RBM38: variants seen among roughly 807,000 people sequenced by gnomAD.
The protein encoded by RBM38 is RNA binding motif protein 38, also known as RNA-binding protein 38.
In RBM38, 11 loss-of-function variants were observed where a neutral mutation model predicts 23.5. The observed-to-expected ratio is 0.47, with a 90% CI of 0.29 to 0.77. The LOEUF (loss-of-function observed/expected upper bound fraction) is 0.77, where lower values mean the gene tolerates loss of function less well. RBM38 is among the 30% of genes least tolerant of loss of function. The pLI is 0.08. For synonymous variants in RBM38, 165 were observed against 166.1 expected, an observed-to-expected ratio of 0.99 and a Z score of 0.05; for missense variants, 330 against 351.9, an observed-to-expected ratio of 0.94 and a Z score of 0.50.
chr20:57,394,397 CTT>C (rs2067253450), intron 3 of RBM38, among the ~76,000 whole-genome samples: 1 of 152,136 alleles, frequency 6.6e-6, no homozygotes, highest in African/African-American at 2.4e-5. Context: ...GCTGTGCCCA[CTT>C]TTTGGGAACG....
At chr20:57,402,744 G>A (rs966743063) in intron 3 of RBM38, among the ~76,000 whole-genome samples, 1 of 152,276 alleles carries the variant, frequency 6.6e-6, no homozygotes, top group Non-Finnish European at 1.5e-5. Context: ...CTTGGACAGT[G>A]CAGGGCCGGT....
chr20:57,392,018 A>ACCACCCCAGGCCCTGG (rs1568804236), intron 1 of RBM38, among the ~76,000 whole-genome samples, 200 bp downstream of exon 1: 1 of 48,168 alleles, frequency 2.1e-5, no homozygotes, highest in Admixed American at 1.8e-4. Context: ...CCCGGCCCCC[A>ACCACCCCAGGCCCTGG]CCCCCACCCC....
At position 57,401,205 on chromosome 20, in the gene RBM38, G is replaced by C. The variant is rs529073478; in HGVS notation, c.417-6338G>C. 2.0e-5 allele frequency among the ~76,000 whole-genome samples: 3 copies of C among 152,304 alleles called. No homozygotes were observed. In the South Asian group the frequency reaches 6.2e-4, roughly 32 times the overall value. ...CATTCCTCAGGCCCAAGGAGGCGTC[G>C]ATGCTGCTGAAGTCTCTGGGGTGCA... On this transcript the variant is annotated intron_variant, in intron 3 of 3. Transcript: ENST00000356208.
Position 57,407,411 on chromosome 20 carries a change from C to T in RBM38, c.417-132C>T, listed in dbSNP as rs528355697. The T allele has an allele frequency of 1.5e-4, 159 of 1,043,814 alleles. No individual in the cohort carries two copies. In the African/African-American group the frequency reaches 2.2e-3, roughly 15 times the overall value. The allele number at this position is 1,043,814 out of a possible 1,614,324, so 64.7% of individuals were successfully genotyped here. A position where few individuals can be genotyped will look rare whatever the true frequency, so the allele number is the denominator to read the frequency against. ...GGCAGCATCTGGCCAGGTGCTGTTT[C>T]TGTGCCCATCTGACCGATGAGGAAA... On this transcript the variant is annotated intron_variant, in intron 3 of 3. Coordinates refer to ENST00000356208, the MANE Select transcript of RBM38 (RefSeq NM_017495.6). This position sits in a 1 kb window ranked among gnomAD's most constrained non-coding sequence, Gnocchi z 4.0.
intron 3 of RBM38, among the ~76,000 whole-genome samples, chr20:57,403,770 C>T (rs370214612): frequency 2.6e-5 from 4 of 152,164 alleles, no homozygotes; most frequent in Admixed American, 2.0e-4. Context: ...TACAGGCTCC[C>T]GCCACCACAC....
intron 3 of RBM38, among the ~76,000 whole-genome samples, chr20:57,395,486 G>A (rs1341379577): frequency 6.6e-6 from 1 of 152,200 alleles, no homozygotes; most frequent in Non-Finnish European, 1.5e-5. Flanking sequence ...TCTGCTGGCT[G>A]GCCATTTAAT....
Position 57,407,409 on chromosome 20 carries a change from T to A in RBM38, c.417-134T>A. 9.7e-7 allele frequency: 1 copy of A among 1,034,648 alleles called. No homozygotes were observed. Among genetic ancestry groups the A allele is most frequent in the Non-Finnish European group, 1.4e-6 (1 of 702,438 alleles). 64.1% of individuals were successfully genotyped at this position (1,034,648 alleles called of 1,614,324 possible). On this transcript the variant is annotated intron_variant, in intron 3 of 3. Transcript: ENST00000356208. This position sits in a 1 kb window ranked among gnomAD's most constrained non-coding sequence, Gnocchi z 4.0. Reference sequence around the variant, plus strand: ...GCGGCAGCATCTGGCCAGGTGCTGTTTCTGTGCCCATCTGACCGATGAGGA... The same window carrying A: ...GCGGCAGCATCTGGCCAGGTGCTGTATCTGTGCCCATCTGACCGATGAGGA...
In RBM38 at chr20:57,391,655, A is replaced by G; in HGVS notation, c.74A>G (p.His25Arg). 4 of 1,494,130 alleles carry G rather than the reference A, an allele frequency of 2.7e-6. No individual in the cohort carries two copies. The highest frequency in any genetic ancestry group is 3.6e-6 in the Non-Finnish European group (4 of 1,117,618). 92.6% of individuals were successfully genotyped at this position (1,494,130 alleles called of 1,614,324 possible). A position where few individuals can be genotyped will look rare whatever the true frequency, so the allele number is the denominator to read the frequency against. The change falls in exon 1 of 4, where the codon CAC (histidine) becomes CGC (arginine). Residue 25 changes from histidine to arginine, a missense_variant. Transcript: ENST00000356208. ...CCCCTGGCCGCCCCCGGCGCCATGCACGGCTCGCAGAAGGACACCACGTTC... is the reference window on the plus strand; with the variant it reads ...CCCCTGGCCGCCCCCGGCGCCATGCGCGGCTCGCAGAAGGACACCACGTTC... ...PRPLAAPGAMHGSQKDTTFTK... is the reference protein window; with the variant it reads ...PRPLAAPGAMRGSQKDTTFTK...
chr20:57,395,441 C>T (rs1175563735), intron 3 of RBM38, among the ~76,000 whole-genome samples: 4 of 152,126 alleles, frequency 2.6e-5, no homozygotes, highest in Admixed American at 6.5e-5. Context: ...CCACTGTGTG[C>T]CCCCGACTTC....
At chr20:57,393,449 G>A (rs1013811319) in intron 3 of RBM38, 116 bp downstream of exon 3, 6 of 1,168,688 alleles carry the variant, frequency 5.1e-6, no homozygotes, top group African/African-American at 1.5e-5. Flanking sequence ...ATTTGATTGC[G>A]TTTAAGCCAA....
chr20:57,403,435 T>G (rs184275048), intron 3 of RBM38, among the ~76,000 whole-genome samples: 41 of 152,292 alleles, frequency 2.7e-4, no homozygotes, highest in Middle Eastern at 3.4e-3. Flanking sequence ...GGGCTTGAGG[T>G]GTGGCCCGTG....
At chr20:57,404,465 G>C (rs2067361315) in intron 3 of RBM38, among the ~76,000 whole-genome samples, 1 of 152,012 alleles carries the variant, frequency 6.6e-6, no homozygotes, top group South Asian at 2.1e-4. Context: ...CTGAGAGCTG[G>C]GTCGGGGGGG....
chr20:57,399,841 G>C (rs1359506842), intron 3 of RBM38: 4 of 455,548 alleles, frequency 8.8e-6, no homozygotes, highest in Non-Finnish European at 4.4e-6. Flanking sequence ...TAAGAGCTGC[G>C]GTCCGTCTCT....
At chr20:57,404,197 GCCCCACAGC>G (rs951591771) in intron 3 of RBM38, among the ~76,000 whole-genome samples, 1 of 152,230 alleles carries the variant, frequency 6.6e-6, no homozygotes, top group Non-Finnish European at 1.5e-5. Context: ...GAACCCAGCT[GCCCCACAGC>G]CCCAGGCACT....
chr20:57,402,965 C>G (rs551678106), intron 3 of RBM38, among the ~76,000 whole-genome samples: 2 of 152,354 alleles, frequency 1.3e-5, no homozygotes, highest in African/African-American at 4.8e-5. Flanking sequence ...AGTCGGGCGT[C>G]TCAGCCTTGG....
chr20:57,400,873 C>G (rs896028561), intron 3 of RBM38, among the ~76,000 whole-genome samples: 6 of 152,154 alleles, frequency 3.9e-5, no homozygotes, highest in Non-Finnish European at 7.3e-5. Flanking sequence ...CTGCCCTCTC[C>G]TTTGAGGTTA....
rs1173749661 is a variant in RBM38 at position 57,393,266 on chromosome 20, TC to T, written c.362-12del. On this transcript the variant is annotated splice_polypyrimidine_tract_variant and intron_variant, in intron 2 of 3. Transcript: ENST00000356208. ...GCAGCAAGGCCAAGTCCCTGATTGTTCTCTCGTTTTAGGCTTTGCCATTGGG... is the reference window on the plus strand; with the variant it reads ...GCAGCAAGGCCAAGTCCCTGATTGTTTCTCGTTTTAGGCTTTGCCATTGGG... 6.2e-7 allele frequency: 1 copy of T among 1,613,134 alleles called. No individual in the cohort carries two copies. Among genetic ancestry groups the T allele is most frequent in the Admixed American group, 1.7e-5 (1 of 60,006 alleles).
At chr20:57,399,824 A>G in intron 3 of RBM38, 3 of 453,610 alleles carry the variant, frequency 6.6e-6, no homozygotes, top group Non-Finnish European at 1.3e-5. Flanking sequence ...GGCGGGAGTC[A>G]GAACCCTAAG....
intron 3 of RBM38, among the ~76,000 whole-genome samples, chr20:57,404,069 T>G (rs2067356316): frequency 6.6e-6 from 1 of 152,226 alleles, no homozygotes; most frequent in African/African-American, 2.4e-5. Flanking sequence ...CCCACGCTTG[T>G]GTTTGAGTGT....
Sources: gnomAD v4.1 joint callset for allele counts (sites outside exome capture counted in the v4.1 genomes callset) on GRCh38, gnomAD v4.1.1 for gene constraint, Gnocchi (gnomAD v3.1) non-coding constraint, MANE v1.5 for transcripts, NCBI Gene and HGNC (gene_info 2026-07-23, HGNC 2026-07-21) for gene names.